The following PRKAR1B variants were observed in gnomAD, a reference collection of about 807,000 sequenced individuals.
PRKAR1B encodes the protein protein kinase cAMP-dependent type I regulatory subunit beta.
Under a neutral mutation model 46.5 loss-of-function variants are expected in PRKAR1B, and 22 were observed. The observed-to-expected ratio is 0.47, with a 90% CI of 0.34 to 0.68. PRKAR1B has a LOEUF of 0.68. PRKAR1B is among the 30% of genes least tolerant of loss of function. PRKAR1B has a pLI of 0.01. For synonymous variants in PRKAR1B, 259 were observed against 217.7 expected (o/e 1.19, Z -1.67); for missense variants, 445 against 535.6 (o/e 0.83, Z 1.67).
Position 666,998 on chromosome 7 carries a change from AATGGTGGTGATGAGG to A in PRKAR1B, c.440+10216_440+10230del. On this transcript the variant is annotated intron_variant, in intron 4 of 10. Transcript: ENST00000537384. This position sits in a 1 kb window ranked among gnomAD's most constrained non-coding sequence, Gnocchi z 4.9. ...TGGTGATGATAAAGATGATGATGGC[AATGGTGGTGATGAGG>A]ATGGTGGTGGTGATGGTGATGATGA... 6.6e-6 allele frequency among the ~76,000 whole-genome samples: 1 copy of A among 152,174 alleles called. No individual in the cohort carries two copies. The highest frequency in any genetic ancestry group is 2.4e-5 in the African/African-American group (1 of 41,522).
chr7:726,958 C>G (rs928452266), intron 1 of PRKAR1B: 36 of 1,323,458 alleles, frequency 2.7e-5, no homozygotes, highest in Non-Finnish European at 2.9e-5. Context: ...ACTGCTGCCG[C>G]GCTTGCTGCG....
chr7:580,230 CAAAAA>C (rs1325090684), intron 8 of PRKAR1B, among the ~76,000 whole-genome samples: 2 of 104,868 alleles, frequency 1.9e-5, no homozygotes. Context: ...CACCCTGTCT[CAAAAA>C]AAAAAAAAAA....
At chr7:702,017 A>T (rs1252592657) in intron 2 of PRKAR1B, among the ~76,000 whole-genome samples, 2 of 152,250 alleles carry the variant, frequency 1.3e-5, no homozygotes, top group Non-Finnish European at 2.9e-5. Flanking sequence ...GAAAGTGTTA[A>T]AAGTAAAAAT....
At chr7:594,919 C>T (rs911852849) in intron 7 of PRKAR1B, among the ~76,000 whole-genome samples, 8 of 152,194 alleles carry the variant, frequency 5.3e-5, no homozygotes, top group African/African-American at 1.7e-4. Flanking sequence ...CCAAGGGACC[C>T]CAGACACTGT....
intron 10 of PRKAR1B, among the ~76,000 whole-genome samples, chr7:550,804 C>G (rs1214126017): frequency 6.6e-6 from 1 of 152,214 alleles, no homozygotes; most frequent in Non-Finnish European, 1.5e-5. Context: ...TGTTTATTAT[C>G]TGAAATTCAC....
At chr7:584,659 A>G in intron 7 of PRKAR1B, 91 bp from the exon 8 acceptor site, 1 of 1,124,656 alleles carries the variant, frequency 8.9e-7, no homozygotes, top group Non-Finnish European at 1.3e-6. Flanking sequence ...ATGACTCTCA[A>G]CTTTTAAATG....
chr7:621,064 T>C (rs1783084477), intron 4 of PRKAR1B, among the ~76,000 whole-genome samples: 1 of 152,252 alleles, frequency 6.6e-6, no homozygotes. Context: ...AATATGGTGA[T>C]TTACATGGAT....
Position 644,353 on chromosome 7 carries a change from G to A in PRKAR1B, c.440+32876C>T, listed in dbSNP as rs902404467. ...CTGTGAGGAGCTGGAGGTACACAAT[G>A]AGGTGGGGAAACTGAGGCGCGCACA... On this transcript the variant is annotated intron_variant, in intron 4 of 10. Coordinates refer to ENST00000537384, the MANE Select transcript of PRKAR1B (RefSeq NM_001164760.2). This position sits in a 1 kb window ranked among gnomAD's most constrained non-coding sequence, Gnocchi z 4.9. 4.6e-5 allele frequency among the ~76,000 whole-genome samples: 7 copies of A among 152,176 alleles called. No homozygotes were observed. Among genetic ancestry groups the A allele is most frequent in the Non-Finnish European group, 8.8e-5 (6 of 68,030 alleles).
At chr7:588,705 A>G (rs1160770658) in intron 7 of PRKAR1B, among the ~76,000 whole-genome samples, 8 of 90,818 alleles carry the variant, frequency 8.8e-5, no homozygotes, top group Non-Finnish European at 1.6e-4. Flanking sequence ...GGTGATGGTG[A>G]TGGTGATGGT....
At chr7:563,594 G>A (rs1778944965) in intron 9 of PRKAR1B, among the ~76,000 whole-genome samples, 1 of 152,036 alleles carries the variant, frequency 6.6e-6, no homozygotes, top group Non-Finnish European at 1.5e-5. Flanking sequence ...GTATGGGTGT[G>A]TTATTGTGTG....
At position 727,203 on chromosome 7, in the gene PRKAR1B, G is replaced by A; in HGVS notation, c.-23+7C>T. 1 of 1,348,110 alleles carries A rather than the reference G, an allele frequency of 7.4e-7. No homozygotes were observed. Among genetic ancestry groups the A allele is most frequent in the Non-Finnish European group, 9.5e-7 (1 of 1,047,584 alleles). The allele number at this position is 1,348,110 out of a possible 1,614,324, so 83.5% of individuals were successfully genotyped here. A position where few individuals can be genotyped will look rare whatever the true frequency, so the allele number is the denominator to read the frequency against. ...TGGACCTGTGCGGCGCCGCGCTCGC[G>A]CCCCACCTGGACGACGCTCTGCGCG... On this transcript the variant is annotated splice_region_variant and intron_variant, in intron 1 of 10. Coordinates refer to ENST00000537384, the MANE Select transcript of PRKAR1B (RefSeq NM_001164760.2).
intron 4 of PRKAR1B, among the ~76,000 whole-genome samples, chr7:629,319 G>A (rs1344651705): frequency 6.6e-6 from 1 of 151,640 alleles, no homozygotes; most frequent in Non-Finnish European, 1.5e-5. Flanking sequence ...AAACGCTGCA[G>A]GAGCGGGGCC....
chr7:613,838 C>T (rs966988314), intron 4 of PRKAR1B, among the ~76,000 whole-genome samples: 1 of 152,270 alleles, frequency 6.6e-6, no homozygotes. Flanking sequence ...GGAAAGCTCA[C>T]CTGAGAATGT....
chr7:580,605 A>G (rs1392834064), intron 8 of PRKAR1B, among the ~76,000 whole-genome samples: 1 of 152,048 alleles, frequency 6.6e-6, no homozygotes, highest in Admixed American at 6.6e-5. Context: ...TGCAAACTCA[A>G]TGTTATCTTT....
chr7:670,315 T>C (rs945226113), intron 4 of PRKAR1B, among the ~76,000 whole-genome samples: 1 of 152,318 alleles, frequency 6.6e-6, no homozygotes, highest in East Asian at 1.9e-4. Context: ...CCAGCATCCC[T>C]GCAACCACGC....
chr7:570,700 C>A (rs968573760), intron 9 of PRKAR1B, among the ~76,000 whole-genome samples: 1 of 152,216 alleles, frequency 6.6e-6, no homozygotes, highest in African/African-American at 2.4e-5. Context: ...CCGGCCATTG[C>A]GGCCGTCACA....
Position 549,253 on chromosome 7 carries a change from G to A in PRKAR1B, c.*1177C>T, listed in dbSNP as rs990211876. On this transcript the variant is annotated 3_prime_UTR_variant, in exon 11 of 11. Coordinates refer to ENST00000537384, the MANE Select transcript of PRKAR1B (RefSeq NM_001164760.2). The stretch of plus-strand genomic sequence containing the variant: ...GTATTCAGAGCAGAGATAAGGGGGG[G>A]GATGGCTCACAGGTCCACAGGGACG... The A allele has an allele frequency of 6.6e-6, 1 of 152,322 alleles. No individual in the cohort carries two copies. Among genetic ancestry groups the A allele is most frequent in the African/African-American group, 2.4e-5 (1 of 41,464 alleles). 9.4% of individuals were successfully genotyped at this position (152,322 alleles called of 1,614,324 possible). A position where few individuals can be genotyped will look rare whatever the true frequency, so the allele number is the denominator to read the frequency against.
intron 7 of PRKAR1B, among the ~76,000 whole-genome samples, chr7:585,112 C>T (rs965273107): frequency 4.6e-5 from 7 of 152,190 alleles, no homozygotes; most frequent in Admixed American, 4.6e-4. Context: ...TACCAACAAA[C>T]ACGGCCCTGT....
chr7:659,062 A>G (rs1388757253), intron 4 of PRKAR1B, among the ~76,000 whole-genome samples: 7 of 152,054 alleles, frequency 4.6e-5, no homozygotes, highest in Non-Finnish European at 8.8e-5. Flanking sequence ...CAGCACAGAC[A>G]CTCTGCGGAG....
Sources: gnomAD v4.1 joint callset for allele counts (sites outside exome capture counted in the v4.1 genomes callset) on GRCh38, gnomAD v4.1.1 for gene constraint, Gnocchi (gnomAD v3.1) non-coding constraint, MANE v1.5 for transcripts, NCBI Gene and HGNC (gene_info 2026-07-23, HGNC 2026-07-21) for gene names.